ZGRF1: variants seen among roughly 807,000 people sequenced by gnomAD.
ZGRF1 encodes 5'-3' DNA helicase ZGRF1.
Under a neutral mutation model 203.5 loss-of-function variants are expected in ZGRF1, and 196 were observed. That is an observed-to-expected ratio of 0.96 (90% confidence interval 0.86 to 1.08). ZGRF1 has a LOEUF of 1.08. ZGRF1 is among the 50% of genes least tolerant of loss of function. The pLI, the probability that ZGRF1 is intolerant of heterozygous loss-of-function variation, is 0.00. For missense variants in ZGRF1, 2,326 were observed against 2,416.3 expected (o/e 0.96, Z 0.78); for synonymous variants, 809 against 841.3 (o/e 0.96, Z 0.66).
intron 16 of ZGRF1, among the ~76,000 whole-genome samples, chr4:112,579,243 A>G (rs149091143): frequency 8.1e-6 from 1 of 123,256 alleles, no homozygotes; most frequent in African/African-American, 2.8e-5. Context: ...AAAAACTCTC[A>G]ATAAGTTAGG....
At chr4:112,593,871 G>T (rs573222825) in intron 10 of ZGRF1, among the ~76,000 whole-genome samples, 1 of 151,554 alleles carries the variant, frequency 6.6e-6, no homozygotes, top group African/African-American at 2.4e-5. Flanking sequence ...TCAATTGATC[G>T]TCCCACCCCC....
rs1166687707 is a variant in ZGRF1, at chr4:112,609,435, G to A, written c.2668-6C>T. The A allele has an allele frequency of 6.9e-7, 1 of 1,459,840 alleles. No individual in the cohort carries two copies. The allele number at this position is 1,459,840 out of a possible 1,614,324, so 90.4% of individuals were successfully genotyped here. A position where few individuals can be genotyped will look rare whatever the true frequency, so the allele number is the denominator to read the frequency against. ...ACTTCATCTTCTTTTAGTATCTTAG[G>A]AATAGAATATTAATTTTAGATAAAC... On this transcript the variant is annotated splice_polypyrimidine_tract_variant and splice_region_variant and intron_variant, in intron 7 of 27. Coordinates refer to ENST00000505019, the MANE Select transcript of ZGRF1 (RefSeq NM_018392.5).
chr4:112,571,268 A>G (rs1744165624), intron 16 of ZGRF1, among the ~76,000 whole-genome samples: 2 of 152,306 alleles, frequency 1.3e-5, no homozygotes, highest in East Asian at 3.9e-4. Context: ...ATTAGAGAGG[A>G]AGCCAATAAC....
At chr4:112,614,121 G>A (rs1268623976) in intron 6 of ZGRF1, among the ~76,000 whole-genome samples, 6 of 151,632 alleles carry the variant, frequency 4.0e-5, no homozygotes, top group Non-Finnish European at 5.9e-5. Context: ...TAACACTTTC[G>A]CACATTCTAA....
chr4:112,623,591 C>T (rs1190230549), intron 4 of ZGRF1, among the ~76,000 whole-genome samples: 1 of 152,094 alleles, frequency 6.6e-6, no homozygotes, highest in African/African-American at 2.4e-5. Context: ...CCTTTCTGCA[C>T]TGCACTCCTA....
intron 10 of ZGRF1, among the ~76,000 whole-genome samples, chr4:112,594,156 C>A (rs1261054870): frequency 1.3e-5 from 2 of 152,136 alleles, no homozygotes; most frequent in Non-Finnish European, 2.9e-5. Context: ...TGTTTATTCT[C>A]CTGATTAACA....
At chr4:112,569,556 CA>C (rs1236676087) in intron 16 of ZGRF1, among the ~76,000 whole-genome samples, 2 of 152,040 alleles carry the variant, frequency 1.3e-5, no homozygotes, top group Admixed American at 6.6e-5. Context: ...GGAAAGGGAT[CA>C]GGGGAAGAAC....
intron 10 of ZGRF1, among the ~76,000 whole-genome samples, chr4:112,599,940 TA>T (rs1383810738): frequency 6.6e-6 from 1 of 152,144 alleles, no homozygotes; most frequent in Non-Finnish European, 1.5e-5. Flanking sequence ...ACTCAATACA[TA>T]AAAATCAATT....
chr4:112,568,208 G>A (rs368009068), intron 16 of ZGRF1, among the ~76,000 whole-genome samples: 1 of 151,764 alleles, frequency 6.6e-6, no homozygotes, highest in South Asian at 2.1e-4. Context: ...TAAATAGGAA[G>A]CTTATTTGAA....
chr4:112,597,659 A>G (rs1360907975), intron 10 of ZGRF1, among the ~76,000 whole-genome samples: 1 of 152,024 alleles, frequency 6.6e-6, no homozygotes, highest in Admixed American at 6.6e-5. Context: ...TGAGTGGATC[A>G]TTTGAGGTCA....
intron 14 of ZGRF1, 58 bp from the exon 15 acceptor site, chr4:112,584,232 T>A (rs1746779438): frequency 8.1e-7 from 1 of 1,239,662 alleles, no homozygotes; most frequent in Non-Finnish European, 1.1e-6. Flanking sequence ...ATTTTTCGAT[T>A]ATTTTTGTGT....
In ZGRF1 at chr4:112,623,822, G is replaced by T; in HGVS notation, c.157C>A (p.Leu53Ile). The stretch of plus-strand genomic sequence containing the variant: ...AGATAAACACACTAAAATACCTCAA[G>T]GCATTTAAGAAACAGACTCTCCAAA... ...ACLESLFLKCLEVKPGDDLES... is the reference protein window; with the variant it reads ...ACLESLFLKCIEVKPGDDLES... Residue 53 changes from leucine (L) to isoleucine (I), a missense_variant, in exon 4 of 28, where the codon CTT (leucine) becomes ATT (isoleucine). Coordinates refer to ENST00000505019, the MANE Select transcript of ZGRF1 (RefSeq NM_018392.5). 1 of 1,555,642 alleles carries T rather than the reference G, an allele frequency of 6.4e-7. No individual in the cohort carries two copies.
At chr4:112,570,238 T>TA (rs35679160) in intron 16 of ZGRF1, among the ~76,000 whole-genome samples, 12 of 150,690 alleles carry the variant, frequency 8.0e-5, no homozygotes, top group African/African-American at 1.9e-4. Flanking sequence ...ACTATGCCAT[T>TA]AAAAAAAAAC....
At chr4:112,543,936 C>A (rs1449323594) in intron 24 of ZGRF1, among the ~76,000 whole-genome samples, 11 of 152,058 alleles carry the variant, frequency 7.2e-5, no homozygotes, top group African/African-American at 2.7e-4. Context: ...GATCCTCCCA[C>A]CTCAGTCTCC....
Position 112,540,070 on chromosome 4 carries a change from GCA to G in ZGRF1, c.5963_5964del (p.Val1988AlafsTer12), listed in dbSNP as rs1407732781. On this transcript the variant is annotated frameshift_variant, in exon 27 of 28. Coordinates refer to ENST00000505019, the MANE Select transcript of ZGRF1 (RefSeq NM_018392.5). LOFTEE classifies it high-confidence loss of function. ...VDFHHPDIKT[V>X]QVSTVDAFQG... ...TGAAAAGCATCTACTGTGGACACCT[GCA>G]CAGTTTTAATATCAGGATGGTGAAA... 2 of 1,600,768 alleles carry G rather than the reference GCA, an allele frequency of 1.2e-6. No homozygotes were observed. The highest frequency in any genetic ancestry group is 1.7e-6 in the Non-Finnish European group (2 of 1,172,228).
intron 11 of ZGRF1, among the ~76,000 whole-genome samples, chr4:112,588,583 G>A (rs927911943): frequency 6.6e-6 from 1 of 152,114 alleles, no homozygotes; most frequent in African/African-American, 2.4e-5. Flanking sequence ...CTGTGTGTCA[G>A]CAGCTTTAGT....
At chr4:112,565,093 G>A (rs999294918) in intron 16 of ZGRF1, 2 of 1,318,802 alleles carry the variant, frequency 1.5e-6, no homozygotes, top group African/African-American at 1.4e-5. Flanking sequence ...TACTGGAGGG[G>A]TGAAGAAACC....
At position 112,582,679 on chromosome 4, in the gene ZGRF1, G is replaced by C. The variant is rs141388161; in HGVS notation, c.4299-877C>G. On this transcript the variant is annotated intron_variant, in intron 15 of 27. Transcript: ENST00000505019. The stretch of plus-strand genomic sequence containing the variant: ...TTCATCATGTTGCCCAGGCTGGTCT[G>C]GTACTCCTGTGTTCAAGTGATTCAC... Among the ~76,000 whole-genome samples, 1,084 of 152,132 alleles carry C rather than the reference G, an allele frequency of 7.1e-3. 31 individuals carry two copies. In the East Asian group the frequency reaches 0.093, roughly 13 times the overall value.
chr4:112,562,295 C>T, intron 18 of ZGRF1, 76 bp downstream of exon 18: 5 of 786,402 alleles, frequency 6.4e-6, no homozygotes, highest in Non-Finnish European at 1.1e-5. Flanking sequence ...ATATACTGTA[C>T]TTTTATTGAA....
Sources: gnomAD v4.1 joint callset for allele counts (sites outside exome capture counted in the v4.1 genomes callset) on GRCh38, gnomAD v4.1.1 for gene constraint, MANE v1.5 for transcripts, NCBI Gene and HGNC (gene_info 2026-07-23, HGNC 2026-07-21) for gene names.